The following BTBD7 variants were observed in gnomAD, a reference collection of about 807,000 sequenced individuals.
The protein encoded by BTBD7 is BTB/POZ domain-containing protein 7.
A neutral mutation model predicts 99.9 loss-of-function variants in BTBD7; 38 were observed. The observed-to-expected ratio is 0.38, with a 90% CI of 0.29 to 0.50. The LOEUF (loss-of-function observed/expected upper bound fraction) is 0.50. Ranked by LOEUF, BTBD7 falls within the 20% of genes least tolerant of loss-of-function variation. The probability of loss-of-function intolerance (pLI) is 0.93; values close to 1 mark genes in which losing one functional copy is unlikely to be tolerated. For missense variants in BTBD7, 1,170 were observed against 1,394.6 expected (o/e 0.84, Z 2.57); for synonymous variants, 520 against 511.4 (o/e 1.02, Z -0.23).
intron 6 of BTBD7, 45 bp from the exon 7 acceptor site, chr14:93,253,835 T>C (rs8012209): frequency 0.36 from 342,694 of 963,380 alleles, 59,883 homozygotes; most frequent in African/African-American, 0.58. Flanking sequence ...TGTAGTACTA[T>C]AATACTACTA....
rs1434447503 is a variant in BTBD7 at position 93,244,671 on chromosome 14, GAATA to G, written c.2583+1150_2583+1153del. On this transcript the variant is annotated intron_variant, in intron 10 of 10. Coordinates refer to ENST00000334746, the MANE Select transcript of BTBD7 (RefSeq NM_001002860.4). ...CTCTAAAATAAATAAAGAAATAAATGAATAAATAAATAAAATCTTGAGGTTATGT... is the reference window on the plus strand; with the variant it reads ...CTCTAAAATAAATAAAGAAATAAATGAATAAATAAAATCTTGAGGTTATGT... Among the ~76,000 whole-genome samples, 31 of 151,722 alleles carry G rather than the reference GAATA, an allele frequency of 2.0e-4. No individual in the cohort carries two copies. The East Asian group carries it at 5.0e-3, about 25-fold the overall frequency.
At chr14:93,282,793 G>A (rs1282718858) in intron 3 of BTBD7, among the ~76,000 whole-genome samples, 1 of 151,994 alleles carries the variant, frequency 6.6e-6, no homozygotes, top group African/African-American at 2.4e-5. Flanking sequence ...CAAATCACCT[G>A]TATCTTAGAC....
At chr14:93,296,920 C>T (rs929271857) in intron 1 of BTBD7, among the ~76,000 whole-genome samples, 7 of 152,138 alleles carry the variant, frequency 4.6e-5, no homozygotes, top group African/African-American at 1.7e-4. Context: ...AAACTTAACT[C>T]TCAGAGCTGC....
intron 3 of BTBD7, among the ~76,000 whole-genome samples, chr14:93,292,981 G>T (rs2052876604): frequency 6.6e-6 from 1 of 151,844 alleles, no homozygotes; most frequent in African/African-American, 2.4e-5. Flanking sequence ...CTTCTAACTG[G>T]CAACTTCTAA....
At chr14:93,320,417 A>C (rs2053256905) in intron 1 of BTBD7, among the ~76,000 whole-genome samples, 1 of 152,250 alleles carries the variant, frequency 6.6e-6, no homozygotes, top group Admixed American at 6.5e-5. Flanking sequence ...AGTCCTCCAC[A>C]ACAAAGAATT....
In BTBD7 at chr14:93,293,930, T is replaced by C. The variant is rs2052888197; in HGVS notation, c.1090A>G (p.Met364Val). The C allele has an allele frequency of 3.1e-6, 5 of 1,613,770 alleles. No homozygotes were observed. The highest frequency in any genetic ancestry group is 2.5e-6 in the Non-Finnish European group (3 of 1,179,856). Reference sequence around the variant, plus strand: ...TCCATGGCTTCTTCTGCCCTGGTCATGTTTGGCTTCCCTGCGACGAGAGCC... The same window carrying C: ...TCCATGGCTTCTTCTGCCCTGGTCACGTTTGGCTTCCCTGCGACGAGAGCC... ...VQALVAGKPNMTRAEEAMELY... is the reference protein window; with the variant it reads ...VQALVAGKPNVTRAEEAMELY... Residue 364 changes from methionine (M) to valine (V), a missense_variant, in exon 3 of 11, where the codon ATG becomes GTG. Transcript: ENST00000334746.
chr14:93,290,221 T>C (rs1331725132), intron 3 of BTBD7, among the ~76,000 whole-genome samples: 1 of 151,836 alleles, frequency 6.6e-6, no homozygotes, highest in Non-Finnish European at 1.5e-5. Context: ...TTTAATTTTT[T>C]TTTTTTTTTG....
intron 3 of BTBD7, among the ~76,000 whole-genome samples, chr14:93,281,089 G>A (rs970371396): frequency 2.0e-5 from 3 of 151,766 alleles, no homozygotes; most frequent in Non-Finnish European, 4.4e-5. Flanking sequence ...TGCAATCTGC[G>A]CTTCTTGGGC....
chr14:93,316,972 T>C (rs1244356182), intron 1 of BTBD7, among the ~76,000 whole-genome samples: 2 of 152,332 alleles, frequency 1.3e-5, no homozygotes, highest in Non-Finnish European at 2.9e-5. Flanking sequence ...GTGAAAAGGC[T>C]AAGAGTCCTG....
chr14:93,282,941 A>T (rs2052737903), intron 3 of BTBD7, among the ~76,000 whole-genome samples: 1 of 152,232 alleles, frequency 6.6e-6, no homozygotes, highest in Non-Finnish European at 1.5e-5. Context: ...TATCTCAGTA[A>T]TTCAAGACAA....
At chr14:93,321,106 TATA>T (rs1032438314) in intron 1 of BTBD7, among the ~76,000 whole-genome samples, 4 of 152,160 alleles carry the variant, frequency 2.6e-5, no homozygotes, top group Non-Finnish European at 5.9e-5. Flanking sequence ...TTTCACTTTG[TATA>T]ATAAGTAGGC....
chr14:93,332,924 G>C lies in BTBD7; in HGVS notation c.-211C>G. On this transcript the variant is annotated 5_prime_UTR_variant, in exon 1 of 11. Coordinates refer to ENST00000334746, the MANE Select transcript of BTBD7 (RefSeq NM_001002860.4). Reference sequence around the variant, plus strand: ...GTCCGCACCGGCGCCAGCACCCCCGGCCATCCTCCTCCCACCGCCGCCGCC... The same window carrying C: ...GTCCGCACCGGCGCCAGCACCCCCGCCCATCCTCCTCCCACCGCCGCCGCC... 1.8e-6 allele frequency: 2 copies of C among 1,132,248 alleles called. No individual in the cohort carries two copies. The highest frequency in any genetic ancestry group is 3.2e-5 in the East Asian group (1 of 31,480). The allele number at this position is 1,132,248 out of a possible 1,614,324, so 70.1% of individuals were successfully genotyped here. A position where few individuals can be genotyped will look rare whatever the true frequency, so the allele number is the denominator to read the frequency against.
At chr14:93,313,678 C>CCA (rs1566862541) in intron 1 of BTBD7, among the ~76,000 whole-genome samples, 3 of 96,632 alleles carry the variant, frequency 3.1e-5, no homozygotes, top group Non-Finnish European at 4.3e-5. Context: ...TAAAATGAAA[C>CCA]TACACACACA....
rs1360184479 is a variant in BTBD7 at position 93,300,756 on chromosome 14, GTGTGTGTGTGTGTGTGTATA to G, written c.-106-4619_-106-4600del. Among the ~76,000 whole-genome samples the G allele has an allele frequency of 5.0e-3, 240 of 48,010 alleles. 23 individuals are homozygous for G. Among genetic ancestry groups the G allele is most frequent in the African/African-American group, 0.022 (168 of 7,638 alleles). The allele number at this position is 48,010 out of a possible 152,430, so 31.5% of individuals were successfully genotyped here. A position where few individuals can be genotyped will look rare whatever the true frequency, so the allele number is the denominator to read the frequency against. On this transcript the variant is annotated intron_variant, in intron 1 of 10. Coordinates refer to ENST00000334746, the MANE Select transcript of BTBD7 (RefSeq NM_001002860.4). The stretch of plus-strand genomic sequence containing the variant: ...TGTGTGTGTGTGTGTGTGTGTGTGT[GTGTGTGTGTGTGTGTGTATA>G]TATATATATATTTTTTTTTTGTAGA...
chr14:93,246,199 T>G lies in BTBD7; in HGVS notation c.2209A>C (p.Ser737Arg). 1 of 1,610,278 alleles carries G rather than the reference T, an allele frequency of 6.2e-7. No individual in the cohort carries two copies. Among genetic ancestry groups the G allele is most frequent in the Non-Finnish European group, 8.5e-7 (1 of 1,177,972 alleles). Residue 737 changes from serine to arginine, a missense_variant, in exon 10 of 11, where the codon AGT (serine) becomes CGT (arginine). Coordinates refer to ENST00000334746, the MANE Select transcript of BTBD7 (RefSeq NM_001002860.4). ...AACATGGTTTCTGCAGGAGGTGTAC[T>G]GTTTACGCGACATCTCCCAGGCTGT... ...MRQPGRCRVN[S>R]TPPAETMFTD...
At chr14:93,291,540 AAT>A (rs1160069835) in intron 3 of BTBD7, among the ~76,000 whole-genome samples, 3 of 152,216 alleles carry the variant, frequency 2.0e-5, no homozygotes, top group African/African-American at 7.2e-5. Context: ...TATAAACCTT[AAT>A]ATGAATATTT....
intron 3 of BTBD7, among the ~76,000 whole-genome samples, chr14:93,276,694 T>A (rs2139731492): frequency 6.6e-6 from 1 of 152,210 alleles, no homozygotes; most frequent in Middle Eastern, 3.4e-3. Context: ...TGCATGTGTG[T>A]GAAAAGGTAC....
In BTBD7 at chr14:93,237,595, A is replaced by C. The variant is rs1354620843; in HGVS notation, c.*4678T>G. The C allele has an allele frequency of 6.5e-6, 1 of 152,682 alleles. No homozygotes were observed. The highest frequency in any genetic ancestry group is 2.4e-5 in the African/African-American group (1 of 41,464). 9.5% of individuals were successfully genotyped at this position (152,682 alleles called of 1,614,324 possible). A position where few individuals can be genotyped will look rare whatever the true frequency, so the allele number is the denominator to read the frequency against. The stretch of plus-strand genomic sequence containing the variant: ...TGAAATGCCAACTATATGTAGGATA[A>C]AGTCAGTGTTACATGCTTATCAGTA... On this transcript the variant is annotated 3_prime_UTR_variant, in exon 11 of 11. Coordinates refer to ENST00000334746, the MANE Select transcript of BTBD7 (RefSeq NM_001002860.4).
chr14:93,327,407 A>G (rs944686004), intron 1 of BTBD7, among the ~76,000 whole-genome samples: 2 of 152,184 alleles, frequency 1.3e-5, no homozygotes, highest in East Asian at 3.8e-4. Context: ...CTTCCCCACT[A>G]AATAACTATA....
Sources: allele counts gnomAD v4.1 joint callset (sites outside exome capture counted in the v4.1 genomes callset), GRCh38; gene constraint gnomAD v4.1.1; transcripts MANE v1.5; gene names NCBI Gene and HGNC (gene_info 2026-07-23, HGNC 2026-07-21).